The following FRMD3 variants were observed in gnomAD, a reference collection of about 807,000 sequenced individuals.
FRMD3 encodes the protein FERM domain containing 3, also known as FERM domain-containing protein 3.
Under a neutral mutation model 70.2 loss-of-function variants are expected in FRMD3, and 33 were observed. The ratio of observed to expected loss-of-function variants is 0.47; its 90% CI spans 0.36 to 0.63. FRMD3 has a LOEUF of 0.63. Among genes scored for constraint, FRMD3 ranks in the 20% least tolerant of loss-of-function variants. The probability of loss-of-function intolerance (pLI) is 0.00; values close to 1 mark genes in which losing one functional copy is unlikely to be tolerated. For missense variants in FRMD3, 632 were observed against 711.4 expected, an observed-to-expected ratio of 0.89 and a Z score of 1.27; for synonymous variants, 279 against 255.9, an observed-to-expected ratio of 1.09 and a Z score of -0.86.
At chr9:83,472,286 C>G (rs538565123) in intron 1 of FRMD3, among the ~76,000 whole-genome samples, 1 of 152,278 alleles carries the variant, frequency 6.6e-6, no homozygotes, top group African/African-American at 2.4e-5. Flanking sequence ...CAGAGAAGAT[C>G]AGGGTGAGGG....
rs186373418 is a variant in FRMD3 at position 83,506,124 on chromosome 9, C to T, written c.147+31961G>A. Among the ~76,000 whole-genome samples, 190 of 152,312 alleles carry T rather than the reference C, an allele frequency of 1.2e-3. 1 individual carries two copies. The highest frequency in any genetic ancestry group is 4.4e-3 in the African/African-American group (181 of 41,572). On this transcript the variant is annotated intron_variant, in intron 1 of 13. Transcript: ENST00000304195. ...CCTGGATGAGTCGGTTGTTCTCACA[C>T]ATTTGCAGTTATTTTTCAAAAATTC...
the FRMD3 span, among the ~76,000 whole-genome samples, chr9:83,570,335 G>T: frequency 0.026 from 3,894 of 152,290 alleles, 91 homozygotes; most frequent in East Asian, 0.047. Flanking sequence ...GGTGTTGGGA[G>T]TAAAGATGAC....
intron 6 of FRMD3, among the ~76,000 whole-genome samples, chr9:83,328,716 A>G (rs971211414): frequency 2.6e-4 from 40 of 152,216 alleles, no homozygotes; most frequent in Non-Finnish European, 3.7e-4. Context: ...AATCTGGGCT[A>G]GGCCATCCCA....
intron 10 of FRMD3, among the ~76,000 whole-genome samples, chr9:83,303,505 T>C (rs1287403280): frequency 6.6e-6 from 1 of 152,208 alleles, no homozygotes; most frequent in African/African-American, 2.4e-5. Context: ...TCAGTAGATC[T>C]GGGGAAGAGC....
chr9:83,428,612 T>C (rs1171176888), intron 1 of FRMD3, among the ~76,000 whole-genome samples: 1 of 152,102 alleles, frequency 6.6e-6, no homozygotes, highest in Non-Finnish European at 1.5e-5. Context: ...TAATTTTCAT[T>C]ATTTATACCA....
intron 1 of FRMD3, among the ~76,000 whole-genome samples, chr9:83,532,365 T>G (rs1003687372): frequency 1.3e-5 from 2 of 152,134 alleles, no homozygotes; most frequent in Non-Finnish European, 2.9e-5. Flanking sequence ...CAAGATGCCT[T>G]TTAGCTGCCC....
At chr9:83,546,828 G>A in the FRMD3 span, among the ~76,000 whole-genome samples, 1 of 140,122 alleles carries the variant, frequency 7.1e-6, no homozygotes, top group Non-Finnish European at 1.5e-5. Flanking sequence ...GGAGGCGGAG[G>A]TTGCACTGAG....
chr9:83,281,629 G>A (rs1464862975), intron 13 of FRMD3: 4 of 152,228 alleles, frequency 2.6e-5, no homozygotes, highest in Non-Finnish European at 5.9e-5. Context: ...CAGACTGTAA[G>A]TAAATGAGTA....
At chr9:83,558,816 A>G in the FRMD3 span, among the ~76,000 whole-genome samples, 1 of 152,252 alleles carries the variant, frequency 6.6e-6, no homozygotes, top group Admixed American at 6.5e-5. Flanking sequence ...ATCCACATGG[A>G]TGACTTTGAG....
At chr9:83,523,543 G>A (rs1829626175) in intron 1 of FRMD3, among the ~76,000 whole-genome samples, 1 of 152,070 alleles carries the variant, frequency 6.6e-6, no homozygotes, top group South Asian at 2.1e-4. Context: ...GTTGGGGAAA[G>A]GAAAAAAGTA....
chr9:83,450,836 G>A (rs1827632999), intron 1 of FRMD3, among the ~76,000 whole-genome samples: 1 of 152,238 alleles, frequency 6.6e-6, no homozygotes, highest in Admixed American at 6.5e-5. Flanking sequence ...TGCACTCACG[G>A]AGTAACTCAA....
At chr9:83,301,525 T>TAA (rs201599383) in intron 10 of FRMD3, among the ~76,000 whole-genome samples, 74,033 of 141,618 alleles carry the variant, frequency 0.52, 19,892 homozygotes, top group South Asian at 0.64. Flanking sequence ...GTGGTTGGCT[T>TAA]AAAAAAAAAA....
At chr9:83,500,605 G>C (rs1252328061) in intron 1 of FRMD3, among the ~76,000 whole-genome samples, 1 of 151,590 alleles carries the variant, frequency 6.6e-6, no homozygotes, top group East Asian at 1.9e-4. Context: ...TAAGGGTAAG[G>C]CTCCTCTATC....
intron 10 of FRMD3, among the ~76,000 whole-genome samples, chr9:83,302,526 G>T (rs533766649): frequency 1.7e-4 from 26 of 152,188 alleles, no homozygotes; most frequent in African/African-American, 5.3e-4. Flanking sequence ...TCTCAGGAGG[G>T]TTACACAAGA....
chr9:83,458,624 A>G (rs1430778023), intron 1 of FRMD3, among the ~76,000 whole-genome samples: 4 of 152,252 alleles, frequency 2.6e-5, no homozygotes, highest in African/African-American at 9.6e-5. Flanking sequence ...TGACAGGCGG[A>G]CTGGTCCTAA....
At chr9:83,280,793 A>C (rs1833952694) in intron 13 of FRMD3, among the ~76,000 whole-genome samples, 1 of 152,230 alleles carries the variant, frequency 6.6e-6, no homozygotes, top group African/African-American at 2.4e-5. Flanking sequence ...TAAAAATAAA[A>C]TATCAGTAGA....
chr9:83,342,714 AG>A (rs1265690419), intron 5 of FRMD3, among the ~76,000 whole-genome samples: 120 of 147,176 alleles, frequency 8.2e-4, no homozygotes, highest in Admixed American at 2.5e-3. Context: ...ATAGATAGAT[AG>A]ATAGATAGAT....
In FRMD3 at chr9:83,538,255, C is replaced by G; in HGVS notation, c.-24G>C. The G allele has an allele frequency of 6.5e-7, 1 of 1,544,488 alleles. No individual in the cohort carries two copies. On this transcript the variant is annotated 5_prime_UTR_variant, in exon 1 of 14. Coordinates refer to ENST00000304195, the MANE Select transcript of FRMD3 (RefSeq NM_174938.6). This position sits in a 1 kb window ranked among gnomAD's most constrained non-coding sequence, Gnocchi z 4.7. ...ATGCACCGCGGCCGTGGGGAGCGAGCGGGAGGCTCAGGGCCGGCGCGGTGC... is the reference window on the plus strand; with the variant it reads ...ATGCACCGCGGCCGTGGGGAGCGAGGGGGAGGCTCAGGGCCGGCGCGGTGC...
downstream of FRMD3, among the ~76,000 whole-genome samples, chr9:83,244,146 A>T (rs1317757136): frequency 1.3e-5 from 2 of 150,906 alleles, no homozygotes; most frequent in Non-Finnish European, 3.0e-5. Context: ...AAAAAAAAAA[A>T]GTGGAATCGT....
Sources: gnomAD v4.1 joint callset for allele counts (sites outside exome capture counted in the v4.1 genomes callset) on GRCh38, gnomAD v4.1.1 for gene constraint, Gnocchi (gnomAD v3.1) non-coding constraint, MANE v1.5 for transcripts, NCBI Gene and HGNC (gene_info 2026-07-23, HGNC 2026-07-21) for gene names.